The following CCL17 variants were observed in gnomAD, a reference collection of about 807,000 sequenced individuals.
CCL17 encodes C-C motif chemokine ligand 17, also known as C-C motif chemokine 17.
A neutral mutation model predicts 7.4 loss-of-function variants in CCL17; 8 were observed. The ratio of observed to expected loss-of-function variants is 1.09; its 90% confidence interval spans 0.64 to 1.96. CCL17 has a LOEUF of 1.96. CCL17 is among the 30% of genes most tolerant of loss of function. CCL17 has a pLI of 0.00. For synonymous variants in CCL17, 40 were observed against 46.1 expected (o/e 0.87, Z 0.54); for missense variants, 102 against 113.0 (o/e 0.90, Z 0.44).
upstream of CCL17, among the ~76,000 whole-genome samples, chr16:57,400,109 C>G (rs1456398030): frequency 2.6e-5 from 4 of 152,294 alleles, no homozygotes; most frequent in East Asian, 3.9e-4. Flanking sequence ...CCTGTAATCC[C>G]AGCACTTTGG....
At chr16:57,402,587 A>G (rs1902608477), upstream of CCL17, among the ~76,000 whole-genome samples, 1 of 152,216 alleles carries the variant, frequency 6.6e-6, no homozygotes, top group African/African-American at 2.4e-5. Context: ...TCAGGGGACC[A>G]TAGACCTGCC....
At chr16:57,406,130 A>C (rs1902693241) in intron 1 of CCL17, among the ~76,000 whole-genome samples, 1 of 152,118 alleles carries the variant, frequency 6.6e-6, no homozygotes, top group East Asian at 1.9e-4. Flanking sequence ...AGGCAAAAAC[A>C]AAGTCTAGGA....
upstream of CCL17, among the ~76,000 whole-genome samples, chr16:57,403,152 TA>T (rs1238416632): frequency 2.8e-3 from 248 of 89,278 alleles, 2 homozygotes; most frequent in African/African-American, 0.011. Context: ...ATCTATAATA[TA>T]TATAATATAT....
intron 1 of CCL17, among the ~76,000 whole-genome samples, chr16:57,408,003 CTCCATCCA>C (rs1159444115): frequency 4.7e-5 from 7 of 149,102 alleles, no homozygotes; most frequent in South Asian, 2.1e-4. Flanking sequence ...CCATCCATCC[CTCCATCCA>C]TCCATCTACC....
Position 57,411,251 on chromosome 16 carries a change from C to T in CCL17, c.-59-2623C>T, listed in dbSNP as rs370197643. ...TCAGGGCCTGTTCCCCCGCCCTTACCCACTGTGAAACCCCACAACAGCAGG... is the reference window on the plus strand; with the variant it reads ...TCAGGGCCTGTTCCCCCGCCCTTACTCACTGTGAAACCCCACAACAGCAGG... On this transcript the variant is annotated intron_variant, in intron 1 of 3. Transcript: ENST00000219244. Among the ~76,000 whole-genome samples the T allele has an allele frequency of 5.8e-3, 887 of 152,288 alleles. 14 individuals carry two copies. The highest frequency in any genetic ancestry group is 0.052 in the South Asian group (250 of 4,826).
chr16:57,411,174 C>A (rs754819782), intron 1 of CCL17, among the ~76,000 whole-genome samples: 5 of 152,190 alleles, frequency 3.3e-5, no homozygotes, highest in African/African-American at 7.2e-5. Context: ...CAGCATCTCC[C>A]CAGTCTATGC....
the CCL17 span, among the ~76,000 whole-genome samples, chr16:57,396,380 T>C: frequency 8.5e-5 from 13 of 152,198 alleles, no homozygotes; most frequent in African/African-American, 3.1e-4. Context: ...TGTGTGAGTT[T>C]GTTGTTTTCA....
chr16:57,410,083 A>G (rs947880936), intron 1 of CCL17, among the ~76,000 whole-genome samples: 13 of 152,114 alleles, frequency 8.5e-5, no homozygotes, highest in Non-Finnish European at 1.9e-4. Context: ...CAGCTGTCAA[A>G]TGCAACTGAA....
chr16:57,403,650 TAA>T (rs1491241355), upstream of CCL17, among the ~76,000 whole-genome samples: 21 of 90,920 alleles, frequency 2.3e-4, no homozygotes, highest in South Asian at 3.5e-3. Flanking sequence ...TAAATATATA[TAA>T]TATATATATA....
the CCL17 span, among the ~76,000 whole-genome samples, chr16:57,396,880 G>A: frequency 4.1e-4 from 63 of 152,302 alleles, no homozygotes; most frequent in South Asian, 1.0e-3. Flanking sequence ...CGTGGTTGCA[G>A]GGCCATGTAT....
At chr16:57,403,668 A>ATATATTTT (rs1567561316), upstream of CCL17, among the ~76,000 whole-genome samples, 7 of 91,152 alleles carry the variant, frequency 7.7e-5, 1 homozygote, top group Admixed American at 5.5e-4. Flanking sequence ...ATATATATAT[A>ATATATTTT]TTTTTTGAGA....
chr16:57,396,292 C>G, the CCL17 span, among the ~76,000 whole-genome samples: 1 of 152,104 alleles, frequency 6.6e-6, no homozygotes, highest in Non-Finnish European at 1.5e-5. Context: ...GGTGGGGAGG[C>G]AGATATAGGT....
intron 1 of CCL17, among the ~76,000 whole-genome samples, chr16:57,410,601 C>T (rs1413280556): frequency 2.6e-5 from 4 of 152,192 alleles, no homozygotes; most frequent in African/African-American, 9.7e-5. Context: ...ATCCTCACAG[C>T]AGCATAAAGA....
intron 1 of CCL17, among the ~76,000 whole-genome samples, chr16:57,411,337 C>T (rs548805448): frequency 6.6e-6 from 1 of 152,278 alleles, no homozygotes; most frequent in East Asian, 1.9e-4. Context: ...GCTGCCCCTG[C>T]CAGCCAGGCA....
At chr16:57,407,708 A>G (rs1358026601) in intron 1 of CCL17, among the ~76,000 whole-genome samples, 2 of 151,792 alleles carry the variant, frequency 1.3e-5, no homozygotes, top group Non-Finnish European at 2.9e-5. Context: ...GCATCCATCC[A>G]TCATCCATCA....
Position 57,415,871 on chromosome 16 carries a change from AC to A in CCL17, c.*14del, listed in dbSNP as rs1567565236. On this transcript the variant is annotated 3_prime_UTR_variant, in exon 4 of 4. Transcript: ENST00000219244. This position sits in a 1 kb window ranked among gnomAD's most constrained non-coding sequence, Gnocchi z 4.5. ...CCTTGAGAGGTCTTGAAGCCTCCTC[AC>A]CCCAGACTCCTGACTGTCTCCCGGG... The A allele has an allele frequency of 1.3e-6, 2 of 1,539,632 alleles. No homozygotes were observed. The highest frequency in any genetic ancestry group is 1.8e-6 in the Non-Finnish European group (2 of 1,112,442).
At chr16:57,402,699 A>G (rs1248739414), upstream of CCL17, among the ~76,000 whole-genome samples, 3 of 152,186 alleles carry the variant, frequency 2.0e-5, no homozygotes, top group East Asian at 3.8e-4. Context: ...GTGGAAGCTC[A>G]GAAGTCCTGG....
At chr16:57,411,085 T>C (rs1002278699) in intron 1 of CCL17, among the ~76,000 whole-genome samples, 3 of 152,210 alleles carry the variant, frequency 2.0e-5, no homozygotes, top group Non-Finnish European at 4.4e-5. Flanking sequence ...AATCTCAGTA[T>C]GAATCTTATC....
the CCL17 span, among the ~76,000 whole-genome samples, chr16:57,399,377 T>C: frequency 1.3e-5 from 2 of 151,754 alleles, no homozygotes; most frequent in Admixed American, 1.3e-4. Context: ...TGGGGAGAGG[T>C]GGAGGAAAGG....
Sources: allele counts gnomAD v4.1 joint callset (sites outside exome capture counted in the v4.1 genomes callset), GRCh38; gene constraint gnomAD v4.1.1; non-coding constraint Gnocchi (gnomAD v3.1); transcripts MANE v1.5; gene names NCBI Gene and HGNC (gene_info 2026-07-23, HGNC 2026-07-21).